ALK: variants seen among roughly 807,000 people sequenced by gnomAD.
ALK encodes ALK tyrosine kinase receptor.
In ALK, 74 loss-of-function variants were observed where a neutral mutation model predicts 163.1. The ratio of observed to expected loss-of-function variants is 0.45; its 90% confidence interval spans 0.38 to 0.55. ALK has a LOEUF of 0.55. Ranked by LOEUF, ALK falls within the 20% of genes least tolerant of loss-of-function variation. The pLI is 0.00. For missense variants in ALK, 2,063 were observed against 2,105.3 expected, an observed-to-expected ratio of 0.98 and a Z score of 0.39; for synonymous variants, 960 against 843.2, an observed-to-expected ratio of 1.14 and a Z score of -2.40.
intron 5 of ALK, among the ~76,000 whole-genome samples, chr2:29,371,351 C>T (rs1006535021): frequency 3.9e-5 from 6 of 152,272 alleles, no homozygotes; most frequent in East Asian, 1.9e-4. Context: ...CTATGCCCCT[C>T]GGCTAGCAAA....
At chr2:29,235,443 T>G (rs1378326170) in intron 13 of ALK, among the ~76,000 whole-genome samples, 1 of 152,092 alleles carries the variant, frequency 6.6e-6, no homozygotes. Context: ...ACGATGGAAA[T>G]AATTTGATAT....
intron 4 of ALK, among the ~76,000 whole-genome samples, chr2:29,417,583 C>T (rs1214212677): frequency 6.6e-6 from 1 of 152,130 alleles, no homozygotes; most frequent in Non-Finnish European, 1.5e-5. Flanking sequence ...AAATGACTTG[C>T]CCGAGATCAC....
intron 1 of ALK, among the ~76,000 whole-genome samples, chr2:29,916,550 G>T (rs1031816221): frequency 6.6e-6 from 1 of 152,122 alleles, no homozygotes; most frequent in African/African-American, 2.4e-5. Flanking sequence ...TGCTCTCTCT[G>T]CCCACTCCAG....
At chr2:29,917,574 C>T (rs989067888) in intron 1 of ALK, among the ~76,000 whole-genome samples, 1 of 152,176 alleles carries the variant, frequency 6.6e-6, no homozygotes, top group Non-Finnish European at 1.5e-5. Flanking sequence ...GGGATGTCTG[C>T]AATGGAGACT....
chr2:29,312,055 C>A (rs1162063259), intron 8 of ALK, among the ~76,000 whole-genome samples: 1 of 151,878 alleles, frequency 6.6e-6, no homozygotes, highest in Non-Finnish European at 1.5e-5. Context: ...CTGGGCAACA[C>A]CCCTCTCCAC....
Position 29,193,913 on chromosome 2 carries a change from C to T in ALK, c.4174G>A (p.Val1392Ile), listed in dbSNP as rs1668957592. The T allele has an allele frequency of 6.2e-7, 1 of 1,614,210 alleles. No individual in the cohort carries two copies. The highest frequency in any genetic ancestry group is 8.5e-7 in the Non-Finnish European group (1 of 1,180,024). ...RIEYCTQDPD[V>I]INTALPIEYG... ...TCTATCGGCAAAGCGGTGTTGATTA[C>T]ATCCGGGTCCTGCCGTAGGGGAAAT... Residue 1392 changes from valine to isoleucine, a missense_variant, in exon 29 of 29, where the codon GTA (valine) becomes ATA (isoleucine). Val to Ile is a conservative substitution (Grantham distance 29, BLOSUM62 3). Transcript: ENST00000389048.
intron 8 of ALK, among the ~76,000 whole-genome samples, chr2:29,299,573 G>C (rs901104365): frequency 2.0e-5 from 3 of 152,124 alleles, no homozygotes; most frequent in Admixed American, 6.5e-5. Context: ...TAGGGTTATA[G>C]GGACTGTTAA....
At chr2:29,548,893 A>G (rs1439721769) in intron 3 of ALK, among the ~76,000 whole-genome samples, 1 of 152,166 alleles carries the variant, frequency 6.6e-6, no homozygotes. Flanking sequence ...TTTGCAACAT[A>G]AAACAAATCA....
At position 29,920,726 on chromosome 2, in the gene ALK, G is replaced by T. The variant is rs1667977961; in HGVS notation, c.-67C>A. On this transcript the variant is annotated 5_prime_UTR_variant, in exon 1 of 29. Transcript: ENST00000389048. ...CTCACCCTTCGCTCTCCCCGAGATGGGAAGAGGCTCTGAACAGTCCTTGGT... is the reference window on the plus strand; with the variant it reads ...CTCACCCTTCGCTCTCCCCGAGATGTGAAGAGGCTCTGAACAGTCCTTGGT... 7.1e-7 allele frequency: 1 copy of T among 1,398,784 alleles called. No homozygotes were observed. The highest frequency in any genetic ancestry group is 1.4e-5 in the African/African-American group (1 of 70,360). 86.6% of individuals were successfully genotyped at this position (1,398,784 alleles called of 1,614,324 possible).
chr2:29,377,885 C>G (rs984806326), intron 5 of ALK, among the ~76,000 whole-genome samples: 1 of 152,164 alleles, frequency 6.6e-6, no homozygotes, highest in African/African-American at 2.4e-5. Flanking sequence ...GTTATGACAT[C>G]CTCTCTAATG....
In ALK at chr2:29,920,255, G is replaced by C. The variant is rs771825127; in HGVS notation, c.405C>G (p.Leu135=). 8 of 1,606,192 alleles carry C rather than the reference G, an allele frequency of 5.0e-6. No homozygotes were observed. In the Admixed American group the frequency reaches 1.2e-4, roughly 24 times the overall value. Residue 135 remains leucine (L), a synonymous_variant, in exon 1 of 29, where the codon CTC becomes CTG. Transcript: ENST00000389048. ...CCAGCACCAACTGCTTGGCACGCCG[G>C]AGCTTGCGCACGGAGCCGCCCTTCA... ...RVLKGGSVRK[L]RRAKQLVLEL... is the part of the protein sequence containing the mutation.
intron 8 of ALK, among the ~76,000 whole-genome samples, chr2:29,306,477 G>A (rs1319030642): frequency 2.6e-5 from 4 of 152,312 alleles, no homozygotes; most frequent in East Asian, 3.9e-4. Context: ...CAATGTGGGC[G>A]CTACCTGGGA....
At chr2:29,910,713 G>C (rs1259339854) in intron 1 of ALK, among the ~76,000 whole-genome samples, 1 of 152,154 alleles carries the variant, frequency 6.6e-6, no homozygotes, top group Non-Finnish European at 1.5e-5. Flanking sequence ...GCATTAAAGT[G>C]CTATCCACCT....
At chr2:29,720,957 C>T (rs922839242) in intron 1 of ALK, among the ~76,000 whole-genome samples, 1 of 152,080 alleles carries the variant, frequency 6.6e-6, no homozygotes, top group Non-Finnish European at 1.5e-5. Context: ...AGTAGAGTGA[C>T]TCTTGGACCT....
chr2:29,252,837 T>G (rs74393096), intron 11 of ALK, among the ~76,000 whole-genome samples: 1 of 151,920 alleles, frequency 6.6e-6, no homozygotes, highest in Non-Finnish European at 1.5e-5. Context: ...TTTTATTTAT[T>G]TTTTTTTAGA....
intron 3 of ALK, among the ~76,000 whole-genome samples, chr2:29,615,274 C>T (rs529235712): frequency 3.3e-5 from 5 of 152,316 alleles, no homozygotes; most frequent in East Asian, 1.9e-4. Flanking sequence ...GGACAGCCCC[C>T]GCACCCCTGA....
intron 4 of ALK, among the ~76,000 whole-genome samples, chr2:29,391,005 CG>C (rs1432372336): frequency 6.6e-6 from 1 of 152,060 alleles, no homozygotes; most frequent in Admixed American, 6.5e-5. Context: ...AATGGCCCAG[CG>C]TGGAGAAGAG....
intron 1 of ALK, among the ~76,000 whole-genome samples, chr2:29,759,344 C>T (rs1680634630): frequency 6.6e-6 from 1 of 152,140 alleles, no homozygotes; most frequent in Admixed American, 6.6e-5. Flanking sequence ...AACAGTCAAG[C>T]AATACCATTG....
intron 1 of ALK, among the ~76,000 whole-genome samples, chr2:29,914,467 T>C (rs748037294): frequency 1.3e-5 from 2 of 152,202 alleles, no homozygotes; most frequent in Non-Finnish European, 2.9e-5. Context: ...ACAGCCTGCA[T>C]GACCAGATGC....
Sources: gnomAD v4.1 joint callset for allele counts (sites outside exome capture counted in the v4.1 genomes callset) on GRCh38, gnomAD v4.1.1 for gene constraint, MANE v1.5 for transcripts, NCBI Gene and HGNC (gene_info 2026-07-23, HGNC 2026-07-21) for gene names.